ACTR3B: variants seen among roughly 807,000 people sequenced by gnomAD.
ACTR3B encodes the protein actin related protein 3B.
Under a neutral mutation model 59.0 loss-of-function variants are expected in ACTR3B, and 8 were observed. That is an observed-to-expected ratio of 0.14 (90% CI 0.08 to 0.24). The LOEUF is 0.24. Ranked by LOEUF, ACTR3B falls within the 10% of genes least tolerant of loss-of-function variation. The pLI is 1.00. For synonymous variants in ACTR3B, 148 were observed against 197.9 expected (o/e 0.75, Z 2.12); for missense variants, 245 against 552.3 (o/e 0.44, Z 5.58).
At chr7:152,844,789 G>A (rs2689543) in intron 9 of ACTR3B, among the ~76,000 whole-genome samples, 83,596 of 133,742 alleles carry the variant, frequency 0.63, 28,264 homozygotes, top group East Asian at 0.87. Context: ...ATGTCTTAAG[G>A]AGGTGGAGTT....
intron 1 of ACTR3B, among the ~76,000 whole-genome samples, chr7:152,761,700 G>T (rs915361538): frequency 1.2e-4 from 19 of 152,152 alleles, no homozygotes; most frequent in African/African-American, 4.3e-4. Flanking sequence ...CATATCGAGT[G>T]TATGGCCAGA....
chr7:152,816,030 G>C (rs913588966), intron 5 of ACTR3B, among the ~76,000 whole-genome samples: 1 of 151,352 alleles, frequency 6.6e-6, no homozygotes, highest in African/African-American at 2.4e-5. Flanking sequence ...CACTCTAGCT[G>C]CGACCTTCTG....
intron 4 of ACTR3B, among the ~76,000 whole-genome samples, chr7:152,804,194 C>T (rs994003694): frequency 5.3e-5 from 8 of 152,214 alleles, no homozygotes; most frequent in African/African-American, 1.9e-4. Context: ...GAACTCCACT[C>T]TTCCCCAATA....
At chr7:152,849,747 G>A (rs1798644724) in intron 9 of ACTR3B, among the ~76,000 whole-genome samples, 1 of 152,274 alleles carries the variant, frequency 6.6e-6, no homozygotes, top group African/African-American at 2.4e-5. Flanking sequence ...CTTAGCAACT[G>A]GAGCAGCTAC....
At position 152,759,867 on chromosome 7, in the gene ACTR3B, G is replaced by C; in HGVS notation, c.-16G>C. On this transcript the variant is annotated 5_prime_UTR_variant, in exon 1 of 12. Transcript: ENST00000256001. ...TCTCGGGCTGCCGGCGGGGCCGAGC[G>C]CCGCGCGTCCCGAGCATGGCAGGCT... 7.7e-7 allele frequency: 1 copy of C among 1,306,264 alleles called. No individual in the cohort carries two copies. Among genetic ancestry groups the C allele is most frequent in the Non-Finnish European group, 9.8e-7 (1 of 1,019,514 alleles). The allele number at this position is 1,306,264 out of a possible 1,614,324, so 80.9% of individuals were successfully genotyped here.
intron 9 of ACTR3B, among the ~76,000 whole-genome samples, chr7:152,845,459 T>G (rs1360542323): frequency 6.6e-6 from 1 of 152,254 alleles, no homozygotes; most frequent in Non-Finnish European, 1.5e-5. Flanking sequence ...GCCACGCTGA[T>G]GGTGCCCATG....
At chr7:152,762,318 T>C (rs1479119013) in intron 1 of ACTR3B, among the ~76,000 whole-genome samples, 1 of 152,248 alleles carries the variant, frequency 6.6e-6, no homozygotes, top group African/African-American at 2.4e-5. Context: ...CTCACTTCTC[T>C]GAGCCAAACT....
Position 152,823,221 on chromosome 7 carries a change from T to TA in ACTR3B, c.685-120dup, listed in dbSNP as rs141109129. ...GCTTGATGCATATCCACACTAGAGT[T>TA]ACGGTGGGGGCGGTTCTGATCCCAG... is the stretch of plus-strand genomic sequence containing the variant. On this transcript the variant is annotated intron_variant, in intron 7 of 11. Coordinates refer to ENST00000256001, the MANE Select transcript of ACTR3B (RefSeq NM_020445.6). 7.2e-3 allele frequency: 9,990 copies of TA among 1,391,680 alleles called. 148 individuals carry two copies. The highest frequency in any genetic ancestry group is 0.049 in the East Asian group (2,023 of 41,312). 86.2% of individuals were successfully genotyped at this position (1,391,680 alleles called of 1,614,324 possible).
intron 9 of ACTR3B, among the ~76,000 whole-genome samples, chr7:152,848,320 T>C (rs568480372): frequency 6.6e-6 from 1 of 152,312 alleles, no homozygotes; most frequent in African/African-American, 2.4e-5. Context: ...GGGCACTGTT[T>C]GGGATCCCCT....
At chr7:152,818,494 A>G (rs1424367237) in intron 6 of ACTR3B, among the ~76,000 whole-genome samples, 1 of 151,964 alleles carries the variant, frequency 6.6e-6, no homozygotes, top group Non-Finnish European at 1.5e-5. Flanking sequence ...CTTGTTGTCC[A>G]GGCTGGAGTG....
intron 4 of ACTR3B, among the ~76,000 whole-genome samples, chr7:152,804,355 G>C (rs1242520775): frequency 6.6e-6 from 1 of 152,248 alleles, no homozygotes; most frequent in Non-Finnish European, 1.5e-5. Flanking sequence ...CAGACGACCA[G>C]CAATGAGAGG....
At chr7:152,784,333 G>A (rs1360118869) in intron 2 of ACTR3B, among the ~76,000 whole-genome samples, 1 of 151,890 alleles carries the variant, frequency 6.6e-6, no homozygotes, top group East Asian at 1.9e-4. Context: ...TGGAGAGAAG[G>A]TGCTTGATTA....
chr7:152,784,308 C>G (rs2098164472), intron 2 of ACTR3B, among the ~76,000 whole-genome samples: 1 of 152,110 alleles, frequency 6.6e-6, no homozygotes, highest in Non-Finnish European at 1.5e-5. Flanking sequence ...GGAACGTCGA[C>G]AGGGAAAAAA....
chr7:152,802,764 A>T (rs2098240680), intron 4 of ACTR3B, among the ~76,000 whole-genome samples: 1 of 152,200 alleles, frequency 6.6e-6, no homozygotes, highest in Non-Finnish European at 1.5e-5. Flanking sequence ...CCCAGATCCA[A>T]TTATAAAATT....
At chr7:152,811,921 C>G (rs1358997152) in intron 4 of ACTR3B, 1 of 139,954 alleles carries the variant, frequency 7.1e-6, no homozygotes, top group African/African-American at 2.5e-5. Flanking sequence ...TTTACACTCT[C>G]TCCTTCTTTC....
chr7:152,841,915 CA>C (rs1797897746), intron 9 of ACTR3B, among the ~76,000 whole-genome samples: 1 of 152,172 alleles, frequency 6.6e-6, no homozygotes, highest in Non-Finnish European at 1.5e-5. Context: ...TATGTAGAGT[CA>C]AATGAACCAT....
At chr7:152,796,388 A>G (rs1320890436) in intron 2 of ACTR3B, among the ~76,000 whole-genome samples, 1 of 151,084 alleles carries the variant, frequency 6.6e-6, no homozygotes. Flanking sequence ...GTACCTGTTC[A>G]GTTCCGCCAG....
rs1380134656 is a variant in ACTR3B, at chr7:152,771,261, G to A, written c.44+11335G>A. 2.0e-5 allele frequency among the ~76,000 whole-genome samples: 3 copies of A among 152,166 alleles called. No individual in the cohort carries two copies. The East Asian group carries it at 5.8e-4, about 29-fold the overall frequency. On this transcript the variant is annotated intron_variant, in intron 1 of 11. Coordinates refer to ENST00000256001, the MANE Select transcript of ACTR3B (RefSeq NM_020445.6). ...TGAGCCACTGTGCCTGGCTAGAATG[G>A]AATTTTAGATAAAGCCACTTTGCTC...
In ACTR3B at chr7:152,824,897, T is replaced by G; in HGVS notation, c.859-133T>G. The G allele has an allele frequency of 9.7e-7, 1 of 1,030,044 alleles. No homozygotes were observed. Among genetic ancestry groups the G allele is most frequent in the South Asian group, 1.8e-5 (1 of 55,650 alleles). 63.8% of individuals were successfully genotyped at this position (1,030,044 alleles called of 1,614,324 possible). A position where few individuals can be genotyped will look rare whatever the true frequency, so the allele number is the denominator to read the frequency against. On this transcript the variant is annotated intron_variant, in intron 8 of 11. Coordinates refer to ENST00000256001, the MANE Select transcript of ACTR3B (RefSeq NM_020445.6). This position sits in a 1 kb window ranked among gnomAD's most constrained non-coding sequence, Gnocchi z 4.2. ...AGTCACATGGGATTCATTTGACATA[T>G]CCTTCATTCCAATGTGAATTCTTTT...
Sources: gnomAD v4.1 joint callset for allele counts (sites outside exome capture counted in the v4.1 genomes callset) on GRCh38, gnomAD v4.1.1 for gene constraint, Gnocchi (gnomAD v3.1) non-coding constraint, MANE v1.5 for transcripts, NCBI Gene and HGNC (gene_info 2026-07-23, HGNC 2026-07-21) for gene names.